The following CYFIP1 variants were observed in gnomAD, a reference collection of about 807,000 sequenced individuals.
The protein encoded by CYFIP1 is cytoplasmic FMR1-interacting protein 1.
CYFIP1 carries 58 observed loss-of-function variants against 163.5 expected under a neutral mutation model. That is an observed-to-expected ratio of 0.35 (90% CI 0.29 to 0.44). CYFIP1 has a LOEUF of 0.44. Ranked by LOEUF, CYFIP1 falls within the 20% of genes least tolerant of loss-of-function variation. The pLI is 1.00. For missense variants in CYFIP1, 1,338 were observed against 1,653.8 expected, an observed-to-expected ratio of 0.81 and a Z score of 3.31; for synonymous variants, 663 against 660.7, an observed-to-expected ratio of 1.00 and a Z score of -0.05.
intron 16 of CYFIP1, 102 bp from the exon 17 acceptor site, chr15:22,914,984 C>G: frequency 1.6e-6 from 2 of 1,276,944 alleles, no homozygotes; most frequent in Non-Finnish European, 2.1e-6. Flanking sequence ...CTCCTCCTCG[C>G]TCAGCCCCAA....
At chr15:22,871,302 A>G (rs1269091065) in intron 30 of CYFIP1, among the ~76,000 whole-genome samples, 2 of 152,246 alleles carry the variant, frequency 1.3e-5, no homozygotes, top group Non-Finnish European at 2.9e-5. Context: ...TGAATTGGAT[A>G]AAGAAATAAG....
At chr15:22,878,154 T>C (rs1179288127) in intron 26 of CYFIP1, among the ~76,000 whole-genome samples, 1 of 152,188 alleles carries the variant, frequency 6.6e-6, no homozygotes, top group African/African-American at 2.4e-5. Flanking sequence ...GCCATTCCCA[T>C]GCACAAGCCA....
At chr15:22,929,629 C>A (rs1384191663) in intron 11 of CYFIP1, among the ~76,000 whole-genome samples, 1 of 59,544 alleles carries the variant, frequency 1.7e-5, no homozygotes. Context: ...GAGACTCTGT[C>A]TCAAAAAAAA....
At chr15:22,958,904 G>T (rs2062577750) in intron 1 of CYFIP1, among the ~76,000 whole-genome samples, 1 of 152,186 alleles carries the variant, frequency 6.6e-6, no homozygotes, top group African/African-American at 2.4e-5. Flanking sequence ...TTAATAAAAG[G>T]CAGAGATGGG....
chr15:22,953,819 G>T (rs1160819424), intron 1 of CYFIP1, among the ~76,000 whole-genome samples: 1 of 152,206 alleles, frequency 6.6e-6, no homozygotes, highest in Non-Finnish European at 1.5e-5. Context: ...ACTTTGGGAG[G>T]CCGAGGCGGG....
At chr15:22,972,163 T>C (rs2063122425) in intron 1 of CYFIP1, among the ~76,000 whole-genome samples, 1 of 152,170 alleles carries the variant, frequency 6.6e-6, no homozygotes, top group African/African-American at 2.4e-5. Context: ...AGGCTGGGCA[T>C]GGTGGCTCCC....
At chr15:22,892,610 A>G (rs2060112004) in intron 23 of CYFIP1, among the ~76,000 whole-genome samples, 1 of 152,180 alleles carries the variant, frequency 6.6e-6, no homozygotes, top group Admixed American at 6.5e-5. Flanking sequence ...TGTGCTGGGA[A>G]AGAGACCAGG....
At chr15:22,875,294 C>G in intron 26 of CYFIP1, 23 bp from the exon 27 acceptor site, 2 of 1,610,212 alleles carry the variant, frequency 1.2e-6, no homozygotes, top group Non-Finnish European at 1.7e-6. Context: ...AAGAGAGGGT[C>G]AAGCTAGGAA....
intron 23 of CYFIP1, 90 bp downstream of exon 23, chr15:22,892,800 A>C: frequency 3.4e-6 from 3 of 881,820 alleles, no homozygotes; most frequent in Non-Finnish European, 5.6e-6. Flanking sequence ...TGATACATTT[A>C]GGTCACTGCA....
At position 22,932,352 on chromosome 15, in the gene CYFIP1, G is replaced by A. The variant is rs189234912; in HGVS notation, c.993-12C>T. 6.3e-7 allele frequency: 1 copy of A among 1,574,832 alleles called. No individual in the cohort carries two copies. The highest frequency in any genetic ancestry group is 1.8e-5 in the Admixed American group (1 of 54,158). ...ATGTGCACGTCCATCTGTGCAGAGA[G>A]AAAGCACCCGCGTTACCTGCGGAGG... On this transcript the variant is annotated splice_polypyrimidine_tract_variant and intron_variant, in intron 10 of 30. Coordinates refer to ENST00000617928, the MANE Select transcript of CYFIP1 (RefSeq NM_014608.6).
chr15:22,901,271 T>G (rs1428455977), intron 22 of CYFIP1, among the ~76,000 whole-genome samples: 2 of 151,590 alleles, frequency 1.3e-5, no homozygotes, highest in Non-Finnish European at 2.9e-5. Context: ...AGATAACTGA[T>G]TCGGACAGGA....
At chr15:22,870,384 A>C (rs1312251015) in intron 30 of CYFIP1, among the ~76,000 whole-genome samples, 192 bp from the exon 31 acceptor site, 1 of 151,946 alleles carries the variant, frequency 6.6e-6, no homozygotes, top group Non-Finnish European at 1.5e-5. Context: ...GTGCAGTGGC[A>C]TGATCACGGC....
intron 22 of CYFIP1, among the ~76,000 whole-genome samples, chr15:22,894,278 CTTTTTTTTTTTTTT>C (rs57603773): frequency 6.1e-5 from 4 of 65,456 alleles, no homozygotes; most frequent in Admixed American, 4.7e-4. Context: ...GCAGACTTTT[CTTTTTTTTTTTTTT>C]TTTTTTTTTT....
intron 12 of CYFIP1, among the ~76,000 whole-genome samples, 158 bp from the exon 13 acceptor site, chr15:22,926,265 A>C (rs1002064347): frequency 6.6e-6 from 1 of 152,224 alleles, no homozygotes; most frequent in African/African-American, 2.4e-5. Context: ...CCATCTCCAC[A>C]GATGGGCAAA....
intron 20 of CYFIP1, 50 bp from the exon 21 acceptor site, chr15:22,909,363 CGAAAACA>C: frequency 6.2e-7 from 1 of 1,602,816 alleles, no homozygotes; most frequent in South Asian, 1.1e-5. Flanking sequence ...ATGAGCAGCT[CGAAAACA>C]ACAAACGCCT....
intron 1 of CYFIP1, among the ~76,000 whole-genome samples, chr15:22,966,050 A>G (rs918002927): frequency 6.6e-6 from 1 of 152,054 alleles, no homozygotes; most frequent in African/African-American, 2.4e-5. Flanking sequence ...CTGGGTCCTT[A>G]TAAGACAAGG....
At chr15:22,907,637 A>G (rs548021360) in intron 21 of CYFIP1, among the ~76,000 whole-genome samples, 1 of 152,318 alleles carries the variant, frequency 6.6e-6, no homozygotes, top group South Asian at 2.1e-4. Context: ...CCATGCACCA[A>G]TGACCACGCA....
At chr15:22,893,096 TC>T (rs1488873039) in intron 22 of CYFIP1, 119 bp from the exon 23 acceptor site, 9 of 695,310 alleles carry the variant, frequency 1.3e-5, no homozygotes, top group Admixed American at 1.0e-4. Context: ...GATACAATCA[TC>T]AAATAGGAAA....
At chr15:22,910,398 G>C (rs2060744489) in intron 20 of CYFIP1, 122 bp downstream of exon 20, 2 of 726,934 alleles carry the variant, frequency 2.8e-6, no homozygotes, top group African/African-American at 1.8e-5. Context: ...CTAACCTCAG[G>C]TGATCCGCCC....
Sources: gnomAD v4.1 joint callset for allele counts (sites outside exome capture counted in the v4.1 genomes callset) on GRCh38, gnomAD v4.1.1 for gene constraint, MANE v1.5 for transcripts, NCBI Gene and HGNC (gene_info 2026-07-23, HGNC 2026-07-21) for gene names.